The following SFMBT2 variants were observed in gnomAD, a reference collection of about 807,000 sequenced individuals.
The protein encoded by SFMBT2 is Scm like with four mbt domains 2, also known as scm-like with four MBT domains protein 2.
In SFMBT2, 38 loss-of-function variants were observed where a neutral mutation model predicts 110.1. The ratio of observed to expected loss-of-function variants is 0.35; its 90% CI spans 0.27 to 0.45. The LOEUF is 0.45. SFMBT2 is among the 20% of genes least tolerant of loss of function. SFMBT2 has a pLI of 1.00. For missense variants in SFMBT2, 1,011 were observed against 1,094.9 expected, an observed-to-expected ratio of 0.92 and a Z score of 1.08; for synonymous variants, 425 against 425.4, an observed-to-expected ratio of 1.00 and a Z score of 0.01.
At chr10:7,235,658 A>G (rs557473288) in intron 9 of SFMBT2, among the ~76,000 whole-genome samples, 2 of 152,246 alleles carry the variant, frequency 1.3e-5, no homozygotes, top group South Asian at 4.1e-4. Context: ...AAACATATCC[A>G]TCACAAAAAC....
chr10:7,254,349 G>A (rs1157410155), intron 7 of SFMBT2, among the ~76,000 whole-genome samples: 1 of 152,070 alleles, frequency 6.6e-6, no homozygotes, highest in Non-Finnish European at 1.5e-5. Context: ...TTTGTCAAAG[G>A]GAGAAGGAAA....
At chr10:7,225,010 T>C (rs574080163) in intron 10 of SFMBT2, among the ~76,000 whole-genome samples, 3 of 152,366 alleles carry the variant, frequency 2.0e-5, no homozygotes, top group African/African-American at 7.2e-5. Context: ...TGCCTTTACA[T>C]TTCTTTGGAA....
At chr10:7,345,748 A>G (rs1844089815) in intron 4 of SFMBT2, among the ~76,000 whole-genome samples, 1 of 152,216 alleles carries the variant, frequency 6.6e-6, no homozygotes, top group African/African-American at 2.4e-5. Context: ...GCAAATAGCC[A>G]CAAACACAGA....
rs547600890 is a variant in SFMBT2 at position 7,378,782 on chromosome 10, A to T, written c.100+3017T>A. Among the ~76,000 whole-genome samples, 277 of 105,310 alleles carry T rather than the reference A, an allele frequency of 2.6e-3. 1 individual carries two copies. Among genetic ancestry groups the T allele is most frequent in the Non-Finnish European group, 3.9e-3 (195 of 49,860 alleles). 69.1% of individuals were successfully genotyped at this position (105,310 alleles called of 152,430 possible). Reference sequence around the variant, plus strand: ...GGGTGTGTCGCTGTGGGGTGGTGTGAGTGTGGGTGTGTGTGGCTGTGGGGT... The same window carrying T: ...GGGTGTGTCGCTGTGGGGTGGTGTGTGTGTGGGTGTGTGTGGCTGTGGGGT... On this transcript the variant is annotated intron_variant, in intron 2 of 20. Transcript: ENST00000397167.
chr10:7,344,169 A>G (rs1844025348), intron 4 of SFMBT2, among the ~76,000 whole-genome samples: 1 of 152,152 alleles, frequency 6.6e-6, no homozygotes, highest in Admixed American at 6.5e-5. Flanking sequence ...GTCTTTTCAT[A>G]TCCCTAACAC....
chr10:7,323,244 G>T (rs1207985803), intron 4 of SFMBT2, among the ~76,000 whole-genome samples: 26 of 151,922 alleles, frequency 1.7e-4, no homozygotes, highest in Non-Finnish European at 1.2e-4. Flanking sequence ...ACCTGAGTTT[G>T]GGAGTTTGCA....
intron 4 of SFMBT2, among the ~76,000 whole-genome samples, chr10:7,330,944 A>G (rs1447415089): frequency 1.3e-5 from 2 of 152,234 alleles, no homozygotes; most frequent in Non-Finnish European, 2.9e-5. Context: ...GTTTGCGGTC[A>G]TCTTCAAGCC....
intron 2 of SFMBT2, among the ~76,000 whole-genome samples, chr10:7,372,351 C>T (rs1033122142): frequency 6.6e-6 from 1 of 152,174 alleles, no homozygotes; most frequent in Non-Finnish European, 1.5e-5. Flanking sequence ...TTAAATTTTG[C>T]CTTCTAAGCC....
chr10:7,343,019 T>C (rs1279322469), intron 4 of SFMBT2, among the ~76,000 whole-genome samples: 1 of 152,212 alleles, frequency 6.6e-6, no homozygotes, highest in Non-Finnish European at 1.5e-5. Context: ...GGTAGTTTTT[T>C]AATCCTTACT....
At chr10:7,356,237 G>A (rs2132024339) in intron 4 of SFMBT2, among the ~76,000 whole-genome samples, 1 of 152,286 alleles carries the variant, frequency 6.6e-6, no homozygotes, top group South Asian at 2.1e-4. Context: ...CCAGGCTGGA[G>A]GCCCCTCTCA....
In SFMBT2 at chr10:7,381,933, C is replaced by G. The variant is rs1333977327; in HGVS notation, c.-35G>C. 2.0e-6 allele frequency: 3 copies of G among 1,525,786 alleles called. No individual in the cohort carries two copies. The African/African-American group carries it at 4.2e-5, about 21-fold the overall frequency. The allele number at this position is 1,525,786 out of a possible 1,614,324, so 94.5% of individuals were successfully genotyped here. ...GCAAGTGTCTCTTCTCTTAATTCAT[C>G]CTGCAGAAAAAATTACCTAAGAGCA... On this transcript the variant is annotated 5_prime_UTR_variant, in exon 2 of 21. Coordinates refer to ENST00000397167, the MANE Select transcript of SFMBT2 (RefSeq NM_001387889.1).
At chr10:7,224,394 C>T (rs1355813921) in intron 10 of SFMBT2, among the ~76,000 whole-genome samples, 2 of 152,186 alleles carry the variant, frequency 1.3e-5, no homozygotes, top group Non-Finnish European at 2.9e-5. Context: ...CCGATCCTGG[C>T]TCTCCACTGT....
chr10:7,278,032 C>T (rs1841837311), intron 6 of SFMBT2, among the ~76,000 whole-genome samples: 2 of 152,202 alleles, frequency 1.3e-5, no homozygotes, highest in Non-Finnish European at 2.9e-5. Context: ...GCCAAGCCAT[C>T]GGTGCACTGC....
intron 4 of SFMBT2, among the ~76,000 whole-genome samples, chr10:7,342,550 A>G (rs1843954291): frequency 6.6e-6 from 1 of 151,836 alleles, no homozygotes; most frequent in East Asian, 1.9e-4. Context: ...CTGGGACTAC[A>G]GGCACCCGCC....
intron 16 of SFMBT2, among the ~76,000 whole-genome samples, chr10:7,185,137 T>G (rs1037770327): frequency 1.3e-5 from 2 of 152,202 alleles, no homozygotes; most frequent in Admixed American, 1.3e-4. Flanking sequence ...TCCTCCAGAA[T>G]GTCTTAAGCT....
chr10:7,267,467 A>C (rs1841431087), intron 7 of SFMBT2, among the ~76,000 whole-genome samples: 1 of 152,122 alleles, frequency 6.6e-6, no homozygotes, highest in South Asian at 2.1e-4. Context: ...TGTTTGTTTG[A>C]GATGGAGTCT....
At chr10:7,248,206 C>A (rs1013173584) in intron 8 of SFMBT2, among the ~76,000 whole-genome samples, 3 of 152,146 alleles carry the variant, frequency 2.0e-5, no homozygotes, top group African/African-American at 7.2e-5. Context: ...CATGTATTTT[C>A]CAAGTATAAA....
At chr10:7,333,876 G>A (rs568415265) in intron 4 of SFMBT2, among the ~76,000 whole-genome samples, 3 of 152,136 alleles carry the variant, frequency 2.0e-5, no homozygotes, top group African/African-American at 7.2e-5. Flanking sequence ...ACACTAGGAA[G>A]CGCTGGTGTT....
chr10:7,376,299 T>G (rs552391812), intron 2 of SFMBT2, among the ~76,000 whole-genome samples: 300 of 152,330 alleles, frequency 2.0e-3, no homozygotes, highest in Non-Finnish European at 3.3e-3. Context: ...TTCCTCTCCC[T>G]GGGCTTATTC....
Sources: gnomAD v4.1 joint callset for allele counts (sites outside exome capture counted in the v4.1 genomes callset) on GRCh38, gnomAD v4.1.1 for gene constraint, MANE v1.5 for transcripts, NCBI Gene and HGNC (gene_info 2026-07-23, HGNC 2026-07-21) for gene names.